The following ORC1 variants were observed in gnomAD, a reference collection of about 807,000 sequenced individuals.
The protein encoded by ORC1 is origin recognition complex, subunit 1 homolog.
Under a neutral mutation model 98.9 loss-of-function variants are expected in ORC1, and 61 were observed. The observed-to-expected ratio is 0.62, with a 90% CI of 0.50 to 0.76. The LOEUF is 0.76. ORC1 is among the 30% of genes least tolerant of loss of function. The pLI, the probability that ORC1 is intolerant of heterozygous loss-of-function variation, is 0.00. For synonymous variants in ORC1, 385 were observed against 406.9 expected, an observed-to-expected ratio of 0.95 and a Z score of 0.65; for missense variants, 979 against 1,072.2, an observed-to-expected ratio of 0.91 and a Z score of 1.21.
At chr1:52,374,753 G>T in intron 16 of ORC1, 57 bp downstream of exon 16, 1 of 1,168,738 alleles carries the variant, frequency 8.6e-7, no homozygotes, top group Non-Finnish European at 1.3e-6. Flanking sequence ...AAATTTCCAT[G>T]TATTTTAAAA....
Position 52,384,541 on chromosome 1 carries a change from T to C in ORC1, c.1755+9A>G. On this transcript the variant is annotated intron_variant, in intron 11 of 16. Transcript: ENST00000371568. ...GCATTTTCCAAAAAGCCTAAACAGC[T>C]CTGCTTACCTGCAAGATTTGCACAT... 1 of 1,613,636 alleles carries C rather than the reference T, an allele frequency of 6.2e-7. No homozygotes were observed. The highest frequency in any genetic ancestry group is 8.5e-7 in the Non-Finnish European group (1 of 1,179,744).
At chr1:52,383,346 G>C in intron 13 of ORC1, 74 bp downstream of exon 13, 1 of 1,578,902 alleles carries the variant, frequency 6.3e-7, no homozygotes, top group Non-Finnish European at 8.7e-7. Flanking sequence ...ACCACACCTG[G>C]ACCATTTTTG....
In ORC1 at chr1:52,388,422, T is replaced by A. The variant is rs148680590; in HGVS notation, c.1383+20A>T. 8.7e-6 allele frequency: 14 copies of A among 1,603,348 alleles called. No homozygotes were observed. Among genetic ancestry groups the A allele is most frequent in the Middle Eastern group, 1.7e-4 (1 of 6,034 alleles). ...AAGAGAGGGATGCTTCAATGGGAAG[T>A]AAACCTAGAAGAACCTTACACTCTT... On this transcript the variant is annotated intron_variant, in intron 8 of 16. Coordinates refer to ENST00000371568, the MANE Select transcript of ORC1 (RefSeq NM_004153.4).
rs986806706 is a variant in ORC1, at chr1:52,385,285, G to A, written c.1482-23C>T. 19 of 1,455,362 alleles carry A rather than the reference G, an allele frequency of 1.3e-5. No homozygotes were observed. In the East Asian group the frequency reaches 3.6e-4, roughly 28 times the overall value. 90.2% of individuals were successfully genotyped at this position (1,455,362 alleles called of 1,614,324 possible). ...AGCCTACCATTGGTGGTAAACGGGA[G>A]AAAAGGAAGACTTTAGGAACATTCC... On this transcript the variant is annotated intron_variant, in intron 9 of 16. Coordinates refer to ENST00000371568, the MANE Select transcript of ORC1 (RefSeq NM_004153.4).
chr1:52,402,278 A>C (rs1447007604), intron 1 of ORC1, 50 bp from the exon 2 acceptor site: 2 of 1,375,178 alleles, frequency 1.5e-6, no homozygotes, highest in African/African-American at 2.8e-5. Context: ...TTTGGTATTT[A>C]TCTGATGGAT....
chr1:52,402,256 C>T (rs777323687), intron 1 of ORC1, 28 bp from the exon 2 acceptor site: 4 of 1,520,844 alleles, frequency 2.6e-6, no homozygotes, highest in Non-Finnish European at 3.7e-6. Context: ...CTCTGAGTTA[C>T]CATGATAAAT....
intron 6 of ORC1, among the ~76,000 whole-genome samples, chr1:52,389,894 GAGAA>G (rs1348433037): frequency 1.3e-5 from 2 of 152,146 alleles, no homozygotes; most frequent in African/African-American, 4.8e-5. Flanking sequence ...AATCAGAAAA[GAGAA>G]AGAAATAAAG....
At chr1:52,395,480 AAAATT>A (rs1358841491) in intron 5 of ORC1, among the ~76,000 whole-genome samples, 1 of 152,208 alleles carries the variant, frequency 6.6e-6, no homozygotes, top group East Asian at 1.9e-4. Context: ...ACATATTTAA[AAAATT>A]AAATAAAAAA....
chr1:52,381,342 C>T (rs528317954), intron 14 of ORC1, among the ~76,000 whole-genome samples: 40 of 152,268 alleles, frequency 2.6e-4, no homozygotes, highest in South Asian at 2.5e-3. Flanking sequence ...GCCTACTAAG[C>T]GTTAAAGCCA....
Position 52,389,109 on chromosome 1 carries a change from CA to C in ORC1, c.1187+107del, listed in dbSNP as rs1379573082. ...ATTCCAGACATGCTAGGTAAAAGGT[CA>C]ATTTCAATGGATTGGCAAATAAACA... On this transcript the variant is annotated intron_variant, in intron 7 of 16. Transcript: ENST00000371568. 3.0e-5 allele frequency: 26 copies of C among 862,436 alleles called. No homozygotes were observed. In the African/African-American group the frequency reaches 3.8e-4, roughly 13 times the overall value. The allele number at this position is 862,436 out of a possible 1,614,324, so 53.4% of individuals were successfully genotyped here. A position where few individuals can be genotyped will look rare whatever the true frequency, so the allele number is the denominator to read the frequency against.
chr1:52,386,017 A>C, intron 8 of ORC1, 68 bp from the exon 9 acceptor site: 1 of 1,125,700 alleles, frequency 8.9e-7, no homozygotes, highest in Non-Finnish European at 1.3e-6. Context: ...ACACCAGCAA[A>C]TGTGATTTGT....
chr1:52,397,050 A>G (rs999153830), intron 4 of ORC1, among the ~76,000 whole-genome samples: 1 of 151,844 alleles, frequency 6.6e-6, no homozygotes, highest in African/African-American at 2.4e-5. Context: ...TCTGCCTCAC[A>G]CTCCTTTAGC....
chr1:52,396,616 A>G (rs1387990057), intron 4 of ORC1, among the ~76,000 whole-genome samples: 2 of 152,096 alleles, frequency 1.3e-5, no homozygotes, highest in Admixed American at 1.3e-4. Context: ...TATTCCTTTC[A>G]TTTCATTTTA....
intron 6 of ORC1, among the ~76,000 whole-genome samples, chr1:52,392,970 A>G (rs1034565206): frequency 1.3e-5 from 2 of 152,226 alleles, no homozygotes; most frequent in Non-Finnish European, 2.9e-5. Context: ...TGGTCAGGTG[A>G]CAGGTGCACC....
At chr1:52,387,318 T>A (rs1647154770) in intron 8 of ORC1, among the ~76,000 whole-genome samples, 1 of 152,180 alleles carries the variant, frequency 6.6e-6, no homozygotes, top group African/African-American at 2.4e-5. Context: ...ATCCAATGCC[T>A]GGTGATCTAG....
intron 4 of ORC1, 28 bp from the exon 5 acceptor site, chr1:52,396,392 G>A (rs1404148147): frequency 9.9e-6 from 16 of 1,613,688 alleles, no homozygotes; most frequent in Admixed American, 6.7e-5. Context: ...AGATAAGTAG[G>A]AAGAGATGAG....
At chr1:52,403,641 ACAG>A (rs1029485338) in intron 1 of ORC1, among the ~76,000 whole-genome samples, 1 of 152,202 alleles carries the variant, frequency 6.6e-6, no homozygotes, top group African/African-American at 2.4e-5. Context: ...TCCAACTGTC[ACAG>A]CAGAAGACTC....
At chr1:52,387,710 C>T (rs1469362809) in intron 8 of ORC1, among the ~76,000 whole-genome samples, 2 of 152,118 alleles carry the variant, frequency 1.3e-5, no homozygotes, top group Non-Finnish European at 1.5e-5. Flanking sequence ...CCACCCACCT[C>T]GGCCTCCAAA....
chr1:52,384,681 C>T lies in ORC1; in HGVS notation c.1624G>A (p.Ala542Thr), dbSNP rs1166664265. The stretch of plus-strand genomic sequence containing the variant: ...CAGCGTATCACTTCATGAACAGTGG[C>T]AGTCTTCCCTGTCCCAGGGACACCG... ...ISGVPGTGKT[A>T]TVHEVIRCLQ... Residue 542 changes from alanine to threonine, a missense_variant, in exon 11 of 17, where the codon GCC becomes ACC. Transcript: ENST00000371568. The T allele has an allele frequency of 2.0e-5, 33 of 1,613,814 alleles. No individual in the cohort carries two copies. Among genetic ancestry groups the T allele is most frequent in the Non-Finnish European group, 2.7e-5 (32 of 1,179,956 alleles).
Sources: allele counts gnomAD v4.1 joint callset (sites outside exome capture counted in the v4.1 genomes callset), GRCh38; gene constraint gnomAD v4.1.1; transcripts MANE v1.5; gene names NCBI Gene and HGNC (gene_info 2026-07-23, HGNC 2026-07-21).